ELAVL2: variants seen among roughly 807,000 people sequenced by gnomAD.
ELAVL2 encodes ELAV-like protein 2.
In ELAVL2, 4 loss-of-function variants were observed where a neutral mutation model predicts 34.6. The ratio of observed to expected loss-of-function variants is 0.12; its 90% CI spans 0.06 to 0.26. The LOEUF (loss-of-function observed/expected upper bound fraction) is 0.26. ELAVL2 is among the 10% of genes least tolerant of loss of function. ELAVL2 has a pLI of 1.00. For missense variants in ELAVL2, 432 were observed against 442.8 expected, an observed-to-expected ratio of 0.98 and a Z score of 0.22; for synonymous variants, 193 against 154.8, an observed-to-expected ratio of 1.25 and a Z score of -1.83.
intron 1 of ELAVL2, among the ~76,000 whole-genome samples, chr9:23,819,214 A>G (rs1347140176): frequency 4.6e-5 from 7 of 152,224 alleles, no homozygotes; most frequent in Admixed American, 3.9e-4. Flanking sequence ...GAATGATGGT[A>G]TATGACACTC....
At chr9:23,840,808 A>G in the ELAVL2 span, among the ~76,000 whole-genome samples, 6 of 152,116 alleles carry the variant, frequency 3.9e-5, no homozygotes, top group Non-Finnish European at 8.8e-5. Flanking sequence ...AAATTACTTA[A>G]TCAGTTTTTT....
Position 23,704,974 on chromosome 9 carries a change from A to C in ELAVL2, c.431T>G (p.Leu144Arg), listed in dbSNP as rs1406913817. ...AATAATGCGTCCATATTGTGAAAAA[A>C]GCTGTTCCAACTCCTTCTGGGTCAT... ...KTMTQKELEQ[L>R]FSQYGRIITS... is the part of the protein sequence containing the mutation. The change falls in exon 4 of 7, where the codon CTT becomes CGT. Residue 144 changes from leucine (L) to arginine (R), a missense_variant. Transcript: ENST00000397312. 1 of 1,614,026 alleles carries C rather than the reference A, an allele frequency of 6.2e-7. No homozygotes were observed. Among genetic ancestry groups the C allele is most frequent in the African/African-American group, 1.3e-5 (1 of 74,924 alleles).
chr9:23,782,465 A>G (rs2059191103), intron 1 of ELAVL2, among the ~76,000 whole-genome samples: 1 of 152,042 alleles, frequency 6.6e-6, no homozygotes, highest in African/African-American at 2.4e-5. Context: ...CCAGCTACTC[A>G]GGAGGCTGAG....
chr9:23,847,622 G>C, the ELAVL2 span, among the ~76,000 whole-genome samples: 1 of 151,918 alleles, frequency 6.6e-6, no homozygotes, highest in South Asian at 2.1e-4. Context: ...TGGTATAAAG[G>C]CAATTATACT....
chr9:23,764,694 G>A lies in ELAVL2; in HGVS notation c.-15-2445C>T, dbSNP rs140787072. ...AGTAAACAGAATGTATAGAATTACG[G>A]TAACTTAGTATTCAGACCATACCAA... is the stretch of plus-strand genomic sequence containing the variant. On this transcript the variant is annotated intron_variant, in intron 1 of 6. Transcript: ENST00000397312. Among the ~76,000 whole-genome samples the A allele has an allele frequency of 4.6e-5, 7 of 152,038 alleles. No individual in the cohort carries two copies. In the East Asian group the frequency reaches 1.4e-3, roughly 29 times the overall value.
At position 23,808,122 on chromosome 9, in the gene ELAVL2, T is replaced by C. The variant is rs80262934; in HGVS notation, c.-16+17684A>G. Among the ~76,000 whole-genome samples, 1,328 of 152,250 alleles carry C rather than the reference T, an allele frequency of 8.7e-3. 25 individuals carry two copies. Among genetic ancestry groups the C allele is most frequent in the African/African-American group, 0.03 (1,263 of 41,532 alleles). On this transcript the variant is annotated intron_variant, in intron 1 of 6. Coordinates refer to ENST00000397312, the MANE Select transcript of ELAVL2 (RefSeq NM_004432.5). ...ATTTTAGGACCTCTGTCTATCCTTA[T>C]GCCTATAAAATTAAAAACTAGTCTG...
intron 1 of ELAVL2, among the ~76,000 whole-genome samples, chr9:23,808,563 C>A (rs1296582595): frequency 6.6e-6 from 1 of 151,936 alleles, no homozygotes; most frequent in Non-Finnish European, 1.5e-5. Flanking sequence ...GAGCAAAATG[C>A]CATTCATGTC....
intron 4 of ELAVL2, among the ~76,000 whole-genome samples, chr9:23,704,416 A>C (rs2038613663): frequency 6.6e-6 from 1 of 152,198 alleles, no homozygotes; most frequent in Non-Finnish European, 1.5e-5. Context: ...GGAATAAAAT[A>C]AATTTTTAAC....
intron 5 of ELAVL2, among the ~76,000 whole-genome samples, chr9:23,697,401 A>G (rs1262383551): frequency 3.3e-5 from 5 of 152,236 alleles, no homozygotes; most frequent in South Asian, 4.1e-4. Context: ...GCTTTAAAAG[A>G]CATTTATTAA....
chr9:23,783,433 T>C, intron 1 of ELAVL2: 1 of 985,234 alleles, frequency 1.0e-6, no homozygotes, highest in Non-Finnish European at 1.2e-6. Flanking sequence ...GAAAAACTGG[T>C]ACAATTCTGC....
At chr9:23,745,548 GA>G (rs963626965) in intron 2 of ELAVL2, among the ~76,000 whole-genome samples, 2 of 151,562 alleles carry the variant, frequency 1.3e-5, no homozygotes, top group Admixed American at 6.6e-5. Context: ...TACTTGCTGG[GA>G]AAAAAAACAT....
intron 1 of ELAVL2, among the ~76,000 whole-genome samples, chr9:23,818,603 A>G (rs1312806470): frequency 2.0e-5 from 3 of 152,210 alleles, no homozygotes; most frequent in Non-Finnish European, 2.9e-5. Flanking sequence ...AGGGTGGCAC[A>G]CCATCTAGCC....
intron 2 of ELAVL2, among the ~76,000 whole-genome samples, chr9:23,736,929 A>G (rs1257166282): frequency 2.0e-5 from 3 of 152,090 alleles, no homozygotes; most frequent in Non-Finnish European, 2.9e-5. Flanking sequence ...TCAGTTCTCT[A>G]TGTCTGGAAC....
At chr9:23,698,955 G>T (rs2036212481) in intron 5 of ELAVL2, among the ~76,000 whole-genome samples, 5 of 152,120 alleles carry the variant, frequency 3.3e-5, no homozygotes, top group Admixed American at 3.3e-4. Flanking sequence ...TGGGGTGAAT[G>T]GGACAACAGT....
intron 3 of ELAVL2, among the ~76,000 whole-genome samples, chr9:23,707,282 T>A (rs988024197): frequency 6.6e-6 from 1 of 152,204 alleles, no homozygotes; most frequent in African/African-American, 2.4e-5. Context: ...GTAATATGAA[T>A]CAATGAAAAC....
chr9:23,710,416 C>G (rs572513109), intron 3 of ELAVL2, among the ~76,000 whole-genome samples: 1 of 152,346 alleles, frequency 6.6e-6, no homozygotes, highest in South Asian at 2.1e-4. Context: ...CACAACTGCT[C>G]TCGTTTCTCT....
At chr9:23,843,993 A>G in the ELAVL2 span, among the ~76,000 whole-genome samples, 19 of 152,054 alleles carry the variant, frequency 1.2e-4, no homozygotes, top group African/African-American at 4.6e-4. Flanking sequence ...GTACATATCA[A>G]TATGTAAAGA....
At chr9:23,765,678 G>A (rs1477723886) in intron 1 of ELAVL2, among the ~76,000 whole-genome samples, 5 of 152,088 alleles carry the variant, frequency 3.3e-5, no homozygotes, top group East Asian at 1.9e-4. Flanking sequence ...ACAGTCAAAC[G>A]GTTTCTAACA....
At chr9:23,774,624 C>T (rs1308582875) in intron 1 of ELAVL2, among the ~76,000 whole-genome samples, 1 of 151,998 alleles carries the variant, frequency 6.6e-6, no homozygotes, top group East Asian at 1.9e-4. Flanking sequence ...TTTTAATTTA[C>T]CTTATTTTTA....
Sources: allele counts gnomAD v4.1 joint callset (sites outside exome capture counted in the v4.1 genomes callset), GRCh38; gene constraint gnomAD v4.1.1; transcripts MANE v1.5; gene names NCBI Gene and HGNC (gene_info 2026-07-23, HGNC 2026-07-21).